Variants in RBFOX1 observed in about 807,000 individuals in gnomAD.
RBFOX1 encodes the protein RNA binding fox-1 homolog 1.
RBFOX1 carries 8 observed loss-of-function variants against 57.7 expected under a neutral mutation model. The observed-to-expected ratio is 0.14, with a 90% confidence interval of 0.08 to 0.25. RBFOX1 has a LOEUF of 0.25. Among genes scored for constraint, RBFOX1 ranks in the 10% least tolerant of loss-of-function variants. The pLI is 1.00. For missense variants in RBFOX1, 611 were observed against 548.5 expected (o/e 1.11, Z -1.14); for synonymous variants, 326 against 222.4 (o/e 1.47, Z -4.15).
At chr16:6,562,458 A>C (rs900209853) in intron 2 of RBFOX1, among the ~76,000 whole-genome samples, 4 of 152,236 alleles carry the variant, frequency 2.6e-5, no homozygotes, top group African/African-American at 9.6e-5. Context: ...GTGGAAATTC[A>C]GCTGTGCTGG....
At chr16:5,706,991 G>A (rs1414669593) in intron 3 of RBFOX1, among the ~76,000 whole-genome samples, 1 of 152,128 alleles carries the variant, frequency 6.6e-6, no homozygotes, top group African/African-American at 2.4e-5. Context: ...CTGCGTAAAA[G>A]CAATTATTTG....
intron 2 of RBFOX1, among the ~76,000 whole-genome samples, chr16:6,571,072 C>T (rs1166113832): frequency 6.6e-6 from 1 of 152,170 alleles, no homozygotes; most frequent in Non-Finnish European, 1.5e-5. Context: ...CTTTCTACTA[C>T]CAAGGACTGG....
At chr16:6,169,784 A>G (rs1033867135) in intron 1 of RBFOX1, among the ~76,000 whole-genome samples, 1 of 152,144 alleles carries the variant, frequency 6.6e-6, no homozygotes, top group Admixed American at 6.6e-5. Flanking sequence ...TTATTTATTT[A>G]GGTGGAGTCT....
At chr16:5,712,140 A>G (rs1315136243) in intron 3 of RBFOX1, among the ~76,000 whole-genome samples, 1 of 152,180 alleles carries the variant, frequency 6.6e-6, no homozygotes, top group Non-Finnish European at 1.5e-5. Context: ...CTCACTCTCT[A>G]TCATGAGAGC....
At chr16:6,419,196 C>T (rs1467180015) in intron 2 of RBFOX1, among the ~76,000 whole-genome samples, 1 of 152,142 alleles carries the variant, frequency 6.6e-6, no homozygotes, top group Non-Finnish European at 1.5e-5. Flanking sequence ...TTTTATAAGA[C>T]CTAATTCGAA....
chr16:7,664,719 A>T (rs2068725323), intron 12 of RBFOX1: 1 of 770,404 alleles, frequency 1.3e-6, no homozygotes, highest in Non-Finnish European at 2.0e-6. Context: ...ACCACATCCT[A>T]ATTCTGGGCC....
chr16:5,317,358 C>T (rs1005742452), intron 1 of RBFOX1, among the ~76,000 whole-genome samples: 4 of 152,162 alleles, frequency 2.6e-5, no homozygotes, highest in Non-Finnish European at 5.9e-5. Context: ...TCTGTAATCC[C>T]AGCAGTTTAG....
At chr16:6,336,938 C>G (rs1277592634) in intron 2 of RBFOX1, among the ~76,000 whole-genome samples, 2 of 152,204 alleles carry the variant, frequency 1.3e-5, no homozygotes, top group Non-Finnish European at 2.9e-5. Context: ...AATCTACTAT[C>G]TGCAAAATCA....
At chr16:7,333,610 A>C (rs2096731872) in intron 4 of RBFOX1, among the ~76,000 whole-genome samples, 1 of 152,200 alleles carries the variant, frequency 6.6e-6, no homozygotes, top group Non-Finnish European at 1.5e-5. Context: ...TTGATGGGTA[A>C]TTTATGAAGC....
chr16:6,262,012 G>C (rs539981683), intron 1 of RBFOX1, among the ~76,000 whole-genome samples: 218 of 152,076 alleles, frequency 1.4e-3, no homozygotes, highest in African/African-American at 5.1e-3. Context: ...CTGGGCAACA[G>C]AGTGAGGCTC....
chr16:5,790,663 T>C (rs2054659867), intron 3 of RBFOX1, among the ~76,000 whole-genome samples: 1 of 152,088 alleles, frequency 6.6e-6, no homozygotes, highest in Non-Finnish European at 1.5e-5. Context: ...CCCTCCTGGA[T>C]GAAGACAACA....
chr16:7,676,187 G>T (rs1162688274), intron 13 of RBFOX1, among the ~76,000 whole-genome samples: 2 of 152,148 alleles, frequency 1.3e-5, no homozygotes, highest in Non-Finnish European at 2.9e-5. Context: ...TGGCCAAAAA[G>T]AAATGTTCAG....
chr16:5,795,162 C>G (rs144683627), intron 3 of RBFOX1, among the ~76,000 whole-genome samples: 2 of 152,130 alleles, frequency 1.3e-5, no homozygotes, highest in Admixed American at 6.5e-5. Context: ...AAACACCTCA[C>G]GAAAGGCCTA....
chr16:6,657,097 A>ACTCTCCTCTCCTCCC (rs2098663249), intron 3 of RBFOX1, among the ~76,000 whole-genome samples: 2 of 38,868 alleles, frequency 5.1e-5, no homozygotes, highest in Non-Finnish European at 9.1e-5. Context: ...CCTCCCCTTT[A>ACTCTCCTCTCCTCCC]CTCTCCTCTC....
At chr16:6,296,481 C>A (rs915214210) in intron 1 of RBFOX1, among the ~76,000 whole-genome samples, 28 of 149,858 alleles carry the variant, frequency 1.9e-4, no homozygotes, top group African/African-American at 6.6e-4. Flanking sequence ...AGTGCAATGG[C>A]GGGATCTCGG....
chr16:6,728,583 A>C (rs1264914218), intron 3 of RBFOX1, among the ~76,000 whole-genome samples: 1 of 152,206 alleles, frequency 6.6e-6, no homozygotes, highest in East Asian at 1.9e-4. Flanking sequence ...ATTACTCAAT[A>C]TAGGGAAGCA....
At chr16:6,955,703 A>C (rs2081660798) in intron 3 of RBFOX1, among the ~76,000 whole-genome samples, 2 of 151,444 alleles carry the variant, frequency 1.3e-5, no homozygotes, top group South Asian at 2.1e-4. Flanking sequence ...TTATTTATTT[A>C]TTTATTTATT....
intron 3 of RBFOX1, among the ~76,000 whole-genome samples, chr16:5,707,637 C>T (rs1350034612): frequency 1.3e-5 from 2 of 152,202 alleles, no homozygotes; most frequent in African/African-American, 4.8e-5. Flanking sequence ...GCTGGCATCA[C>T]GTGTGGCTAT....
intron 4 of RBFOX1, among the ~76,000 whole-genome samples, chr16:7,447,268 A>C (rs888805935): frequency 1.3e-5 from 2 of 151,752 alleles, no homozygotes; most frequent in African/African-American, 4.8e-5. Context: ...CCCCATCTCT[A>C]CTAAAAATAC....
Sources: allele counts gnomAD v4.1 joint callset (sites outside exome capture counted in the v4.1 genomes callset), GRCh38; gene constraint gnomAD v4.1.1; transcripts MANE v1.5; gene names NCBI Gene and HGNC (gene_info 2026-07-23, HGNC 2026-07-21).